ZNF346: variants seen among roughly 807,000 people sequenced by gnomAD.
The protein encoded by ZNF346 is zinc finger protein 346.
A neutral mutation model predicts 33.7 loss-of-function variants in ZNF346; 23 were observed. That is an observed-to-expected ratio of 0.68 (90% CI 0.49 to 0.97). The LOEUF (loss-of-function observed/expected upper bound fraction) is 0.97. Ranked by LOEUF, ZNF346 falls within the 50% of genes least tolerant of loss-of-function variation. The pLI, the probability that ZNF346 is intolerant of heterozygous loss-of-function variation, is 0.00. For missense variants in ZNF346, 340 were observed against 371.1 expected, an observed-to-expected ratio of 0.92 and a Z score of 0.69; for synonymous variants, 134 against 142.4, an observed-to-expected ratio of 0.94 and a Z score of 0.42.
intron 5 of ZNF346, among the ~76,000 whole-genome samples, chr5:177,061,531 T>C (rs182307919): frequency 6.6e-6 from 1 of 152,350 alleles, no homozygotes. Context: ...TTCCCTATCC[T>C]GGCTCCTCCC....
At chr5:177,071,640 G>T (rs1221585932), downstream of ZNF346, among the ~76,000 whole-genome samples, 1 of 150,152 alleles carries the variant, frequency 6.7e-6, no homozygotes, top group Non-Finnish European at 1.5e-5. Flanking sequence ...AGCTGAGATC[G>T]TGCCACTGCA....
chr5:177,056,116 G>A (rs9686848), intron 5 of ZNF346, among the ~76,000 whole-genome samples: 19,665 of 150,514 alleles, frequency 0.13, 1,629 homozygotes, highest in East Asian at 0.18. Flanking sequence ...ATGGTGGCAT[G>A]CGCTTGTAGT....
At chr5:177,060,433 A>G (rs768639576) in intron 5 of ZNF346, among the ~76,000 whole-genome samples, 1 of 152,136 alleles carries the variant, frequency 6.6e-6, no homozygotes, top group Non-Finnish European at 1.5e-5. Flanking sequence ...AAGCAGGAGA[A>G]TTGCCTGAAC....
intron 5 of ZNF346, among the ~76,000 whole-genome samples, chr5:177,059,779 T>C (rs1027958869): frequency 2.0e-4 from 30 of 152,242 alleles, no homozygotes; most frequent in African/African-American, 7.0e-4. Context: ...ATTGGACTTT[T>C]ACCTAATATG....
chr5:177,036,988 T>C (rs527564105), intron 1 of ZNF346, among the ~76,000 whole-genome samples: 11 of 152,266 alleles, frequency 7.2e-5, no homozygotes, highest in Non-Finnish European at 1.2e-4. Context: ...AGCCGCTGAT[T>C]CCTACTGTTC....
chr5:177,070,691 C>T (rs1783459900), downstream of ZNF346, among the ~76,000 whole-genome samples: 3 of 152,138 alleles, frequency 2.0e-5, no homozygotes, highest in South Asian at 6.2e-4. Context: ...CTGAAGTAAG[C>T]CCTGAGTCCC....
At chr5:177,080,283 C>G (rs1783925673) in exon 9 of ZNF346, 1 of 152,248 alleles carries the variant, frequency 6.6e-6, no homozygotes, top group Non-Finnish European at 1.5e-5. Context: ...CCCTTTCGGT[C>G]ACAGGAGGGT....
At chr5:177,028,496 TTATATATATATA>T (rs150044807) in intron 1 of ZNF346, among the ~76,000 whole-genome samples, 5 of 90,514 alleles carry the variant, frequency 5.5e-5, no homozygotes, top group Admixed American at 1.2e-4. Flanking sequence ...TTGTGACGTT[TTATATATATATA>T]TATATATATA....
intron 3 of ZNF346, 73 bp downstream of exon 3, chr5:177,041,943 T>A (rs1429161142): frequency 3.1e-6 from 3 of 960,196 alleles, no homozygotes; most frequent in Non-Finnish European, 5.0e-6. Flanking sequence ...GGTGAACAAG[T>A]CAGACTGTCT....
At chr5:177,030,078 T>A (rs1388154449) in intron 1 of ZNF346, among the ~76,000 whole-genome samples, 1 of 152,146 alleles carries the variant, frequency 6.6e-6, no homozygotes, top group Non-Finnish European at 1.5e-5. Flanking sequence ...AAAAGTAAAG[T>A]AGGATAAACT....
chr5:177,028,496 TTATA>T lies in ZNF346; in HGVS notation c.175+5605_175+5608del, dbSNP rs150044807. ...TTCTCTCTTAAGCACTTGTGACGTT[TTATA>T]TATATATATATATATATATATTTCC... On this transcript the variant is annotated intron_variant, in intron 1 of 6. Coordinates refer to ENST00000358149, the MANE Select transcript of ZNF346 (RefSeq NM_012279.4). Among the ~76,000 whole-genome samples, 56 of 90,510 alleles carry T rather than the reference TTATA, an allele frequency of 6.2e-4. 3 individuals are homozygous for T. The highest frequency in any genetic ancestry group is 1.3e-3 in the African/African-American group (22 of 17,146). The allele number at this position is 90,510 out of a possible 152,430, so 59.4% of individuals were successfully genotyped here.
intron 5 of ZNF346, among the ~76,000 whole-genome samples, chr5:177,054,668 G>A (rs906821157): frequency 6.6e-6 from 1 of 152,100 alleles, no homozygotes; most frequent in Non-Finnish European, 1.5e-5. Context: ...CAAAGTGCTG[G>A]GATTACAGGC....
At chr5:177,041,358 C>T (rs922300033) in intron 2 of ZNF346, 129 bp downstream of exon 2, 7 of 717,674 alleles carry the variant, frequency 9.8e-6, no homozygotes, top group African/African-American at 5.2e-5. Flanking sequence ...TGCATGTTGG[C>T]TTGTGACTTG....
chr5:177,023,863 T>C (rs1460862854), intron 1 of ZNF346, among the ~76,000 whole-genome samples: 1 of 152,000 alleles, frequency 6.6e-6, no homozygotes, highest in Non-Finnish European at 1.5e-5. Context: ...ATTTGTGAAC[T>C]GACTGCCCTG....
intron 6 of ZNF346, 77 bp downstream of exon 6, chr5:177,062,228 T>C: frequency 8.1e-7 from 1 of 1,233,028 alleles, no homozygotes; most frequent in South Asian, 1.3e-5. Context: ...AGCCAGGTAG[T>C]TCTCGGCTGA....
At chr5:177,036,997 T>G (rs1037763526) in intron 1 of ZNF346, among the ~76,000 whole-genome samples, 2 of 152,168 alleles carry the variant, frequency 1.3e-5, no homozygotes, top group Non-Finnish European at 2.9e-5. Flanking sequence ...TTCCTACTGT[T>G]CTTACCTGAA....
chr5:177,046,846 A>G (rs1780108435), intron 4 of ZNF346, among the ~76,000 whole-genome samples: 1 of 152,146 alleles, frequency 6.6e-6, no homozygotes, highest in South Asian at 2.1e-4. Context: ...TTTTATAAAA[A>G]CAATGCATAC....
At chr5:177,031,788 A>G (rs189063403) in intron 1 of ZNF346, among the ~76,000 whole-genome samples, 1 of 151,634 alleles carries the variant, frequency 6.6e-6, no homozygotes, top group African/African-American at 2.4e-5. Context: ...ATTATTCTTC[A>G]ATGTTATTTC....
At chr5:177,079,399 ACAGTCTGG>A (rs1233016677) in exon 9 of ZNF346, 1 of 152,156 alleles carries the variant, frequency 6.6e-6, no homozygotes, top group Admixed American at 6.6e-5. Context: ...TGGCCGTGTC[ACAGTCTGG>A]CCAAGGAAAT....
Sources: gnomAD v4.1 joint callset for allele counts (sites outside exome capture counted in the v4.1 genomes callset) on GRCh38, gnomAD v4.1.1 for gene constraint, MANE v1.5 for transcripts, NCBI Gene and HGNC (gene_info 2026-07-23, HGNC 2026-07-21) for gene names.